VSX1: variants seen among roughly 807,000 people sequenced by gnomAD.
The protein encoded by VSX1 is homeodomain protein RINX.
VSX1 carries 23 observed loss-of-function variants against 23.6 expected under a neutral mutation model. That is an observed-to-expected ratio of 0.97 (90% CI 0.70 to 1.38). VSX1 has a LOEUF of 1.38. Ranked by LOEUF, VSX1 falls within the 40% of genes most tolerant of loss-of-function variation. The pLI, the probability that VSX1 is intolerant of heterozygous loss-of-function variation, is 0.00. For synonymous variants in VSX1, 247 were observed against 215.1 expected (o/e 1.15, Z -1.30); for missense variants, 517 against 495.4 (o/e 1.04, Z -0.41).
intron 1 of VSX1, among the ~76,000 whole-genome samples, chr20:25,081,264 G>C (rs1470288900): frequency 6.6e-6 from 1 of 152,212 alleles, no homozygotes; most frequent in Non-Finnish European, 1.5e-5. Flanking sequence ...TTTCCACCTG[G>C]TACCTTGTTC....
chr20:25,079,719 T>C (rs1268863642), intron 1 of VSX1, among the ~76,000 whole-genome samples: 1 of 151,626 alleles, frequency 6.6e-6, no homozygotes, highest in Non-Finnish European at 1.5e-5. Context: ...AATATAATAA[T>C]AAAACACCAA....
Position 25,075,936 on chromosome 20 carries a change from A to G in VSX1, c.*325T>C, listed in dbSNP as rs1212780744. Reference sequence around the variant, plus strand: ...CCTATTCATCTATACAGTACATTGAACCACACATCTCAAATGATGCCCAGC... The same window carrying G: ...CCTATTCATCTATACAGTACATTGAGCCACACATCTCAAATGATGCCCAGC... On this transcript the variant is annotated 3_prime_UTR_variant, in exon 5 of 5. Coordinates refer to ENST00000376709, the MANE Select transcript of VSX1 (RefSeq NM_014588.6). 1.4e-5 allele frequency: 6 copies of G among 414,408 alleles called. No individual in the cohort carries two copies. Among genetic ancestry groups the G allele is most frequent in the African/African-American group, 1.2e-4 (6 of 49,314 alleles). The allele number at this position is 414,408 out of a possible 1,614,324, so 25.7% of individuals were successfully genotyped here. A position where few individuals can be genotyped will look rare whatever the true frequency, so the allele number is the denominator to read the frequency against.
At position 25,078,875 on chromosome 20, in the gene VSX1, C is replaced by T. The variant is rs987567226; in HGVS notation, c.581G>A (p.Arg194Gln). ...CTCAGTTTTCACAGCCAGCATTTCT[C>T]GGGCATACACATCAGGGTAGTGGGC... Reference protein sequence around the residue: ...SEAHYPDVYAREMLAVKTELP... With the variant: ...SEAHYPDVYAQEMLAVKTELP... Residue 194 changes from arginine (R) to glutamine (Q), a missense_variant, in exon 3 of 5, where the codon CGA (arginine) becomes CAA (glutamine). Arg to Gln is a conservative substitution (Grantham distance 43, BLOSUM62 1). Coordinates refer to ENST00000376709, the MANE Select transcript of VSX1 (RefSeq NM_014588.6). 6.8e-6 allele frequency: 11 copies of T among 1,614,176 alleles called. No homozygotes were observed. The highest frequency in any genetic ancestry group is 2.7e-5 in the African/African-American group (2 of 75,032).
At chr20:25,073,811 G>A (rs375313249), downstream of VSX1, among the ~76,000 whole-genome samples, 128 of 152,258 alleles carry the variant, frequency 8.4e-4, 1 homozygote, top group African/African-American at 2.9e-3. Context: ...GTTCGTGAGC[G>A]GCTCAAAGTC....
intron 2 of VSX1, 50 bp downstream of exon 2, chr20:25,079,386 G>A (rs2089588894): frequency 6.4e-7 from 1 of 1,553,724 alleles, no homozygotes; most frequent in Non-Finnish European, 8.8e-7. Context: ...CATAAACCTT[G>A]GGCTGTGTCC....
At chr20:25,071,593 T>G, downstream of VSX1, 1 of 495,174 alleles carries the variant, frequency 2.0e-6, no homozygotes, top group Non-Finnish European at 3.9e-6. Context: ...TAGAAGCAGT[T>G]CCGAGTGATA....
rs1202202193 is a variant in VSX1 at position 25,079,520 on chromosome 20, G to A, written c.425-6C>T. 4.4e-6 allele frequency: 7 copies of A among 1,608,680 alleles called. No individual in the cohort carries two copies. Among genetic ancestry groups the A allele is most frequent in the Admixed American group, 3.4e-5 (2 of 59,596 alleles). On this transcript the variant is annotated splice_polypyrimidine_tract_variant and splice_region_variant and intron_variant, in intron 1 of 4. Transcript: ENST00000376709. Reference sequence around the variant, plus strand: ...TTCAGACTGGCTGTCCTCATCTGATGGCACAGAAAGAAGAAGAGGACTTTA... The same window carrying A: ...TTCAGACTGGCTGTCCTCATCTGATAGCACAGAAAGAAGAAGAGGACTTTA...
chr20:25,074,950 T>C (rs1014640268), downstream of VSX1, among the ~76,000 whole-genome samples: 3 of 152,246 alleles, frequency 2.0e-5, no homozygotes, highest in Non-Finnish European at 4.4e-5. Flanking sequence ...GTCTCAGGCC[T>C]CAGTTATGAT....
chr20:25,081,661 G>T lies in VSX1; in HGVS notation c.424+12C>A. ...GGACAGGGGCAGGAGCGGAAAGCGC[G>T]GGCCTGATTACCGGACGTGGAGACG... On this transcript the variant is annotated intron_variant, in intron 1 of 4. Coordinates refer to ENST00000376709, the MANE Select transcript of VSX1 (RefSeq NM_014588.6). 6.6e-7 allele frequency: 1 copy of T among 1,523,468 alleles called. No homozygotes were observed. 94.4% of individuals were successfully genotyped at this position (1,523,468 alleles called of 1,614,324 possible).
At chr20:25,077,004 A>G (rs562850651) in intron 4 of VSX1, among the ~76,000 whole-genome samples, 75 of 152,334 alleles carry the variant, frequency 4.9e-4, no homozygotes, top group African/African-American at 1.6e-3. Flanking sequence ...TCGCTGAGCA[A>G]AAAACTTCCT....
At chr20:25,070,997 A>G (rs1234876196), downstream of VSX1, 3 of 453,992 alleles carry the variant, frequency 6.6e-6, no homozygotes, top group African/African-American at 6.0e-5. Flanking sequence ...TTAAAATGTC[A>G]GTATGAGACA....
intron 1 of VSX1, chr20:25,081,334 G>A (rs530567007): frequency 3.5e-5 from 20 of 569,078 alleles, no homozygotes; most frequent in African/African-American, 1.5e-4. Context: ...TGCCAGAGGC[G>A]GAGACTGGCG....
chr20:25,080,161 T>C (rs996310379), intron 1 of VSX1, among the ~76,000 whole-genome samples: 1 of 152,188 alleles, frequency 6.6e-6, no homozygotes, highest in Non-Finnish European at 1.5e-5. Flanking sequence ...TTATATCCAA[T>C]ACATCAAAAA....
At chr20:25,072,583 T>C (rs1380006816), downstream of VSX1, 1 of 471,164 alleles carries the variant, frequency 2.1e-6, no homozygotes, top group Non-Finnish European at 4.4e-6. Flanking sequence ...GAGTTTCTCA[T>C]CCATTTGACA....
intron 4 of VSX1, among the ~76,000 whole-genome samples, chr20:25,077,447 C>T (rs1229583638): frequency 6.6e-6 from 1 of 152,234 alleles, no homozygotes; most frequent in African/African-American, 2.4e-5. Context: ...ACATATTTAG[C>T]ATGCATAGCC....
chr20:25,081,735 G>T lies in VSX1; in HGVS notation c.362C>A (p.Ala121Asp). ...PRGPEPAAPLAPSRPPPALGR... is the reference protein window; with the variant it reads ...PRGPEPAAPLDPSRPPPALGR... ...GAGCGCAGGCGGCGGACGGCTGGGA[G>T]CCAGCGGGGCAGCGGGCTCGGGGCC... The change falls in exon 1 of 5, where the codon GCT becomes GAT. Residue 121 changes from alanine (A) to aspartate (D), a missense_variant. Ala to Asp is a moderately radical substitution (Grantham distance 126). Coordinates refer to ENST00000376709, the MANE Select transcript of VSX1 (RefSeq NM_014588.6). The T allele has an allele frequency of 6.7e-7, 1 of 1,501,698 alleles. No individual in the cohort carries two copies. The highest frequency in any genetic ancestry group is 8.8e-7 in the Non-Finnish European group (1 of 1,133,172). 93.0% of individuals were successfully genotyped at this position (1,501,698 alleles called of 1,614,324 possible).
At chr20:25,076,656 T>C in intron 4 of VSX1, 106 bp from the exon 5 acceptor site, 1 of 1,327,048 alleles carries the variant, frequency 7.5e-7, no homozygotes, top group Non-Finnish European at 1.0e-6. Context: ...AGAATTGTCC[T>C]TGTCAGTGCC....
Position 25,081,958 on chromosome 20 carries a change from C to T in VSX1, c.139G>A (p.Ala47Thr), listed in dbSNP as rs966831301. ...LGLEAELPAP[A>T]GPGQGSGCEG... The stretch of plus-strand genomic sequence containing the variant: ...CAGCCAGATCCCTGTCCTGGGCCAG[C>T]GGGCGCCGGCAGCTCGGCCTCCAAG... The change falls in exon 1 of 5, where the codon GCT becomes ACT. Residue 47 changes from alanine (A) to threonine (T), a missense_variant. Coordinates refer to ENST00000376709, the MANE Select transcript of VSX1 (RefSeq NM_014588.6). The T allele has an allele frequency of 3.4e-5, 52 of 1,532,586 alleles. No homozygotes were observed. Among genetic ancestry groups the T allele is most frequent in the Non-Finnish European group, 4.3e-5 (49 of 1,146,032 alleles). 94.9% of individuals were successfully genotyped at this position (1,532,586 alleles called of 1,614,324 possible).
Position 25,078,948 on chromosome 20 carries a change from C to A in VSX1, c.508G>T (p.Val170Phe). 1 of 1,613,768 alleles carries A rather than the reference C, an allele frequency of 6.2e-7. No individual in the cohort carries two copies. The highest frequency in any genetic ancestry group is 8.5e-7 in the Non-Finnish European group (1 of 1,180,036). The change falls in exon 3 of 5, where the codon GTT (valine) becomes TTT (phenylalanine). Residue 170 changes from valine (V) to phenylalanine (F), a missense_variant. Physicochemically the swap from Val to Phe is conservative, Grantham distance 50. Transcript: ENST00000376709. ...GKRKKRRHRT[V>F]FTAHQLEELE... ...TCTTCCAGCTGGTGAGCAGTGAAAA[C>A]TGTCCTGCAAGGACCCCAAAACACA... is the stretch of plus-strand genomic sequence containing the variant.
Sources: gnomAD v4.1 joint callset for allele counts (sites outside exome capture counted in the v4.1 genomes callset) on GRCh38, gnomAD v4.1.1 for gene constraint, MANE v1.5 for transcripts, NCBI Gene and HGNC (gene_info 2026-07-23, HGNC 2026-07-21) for gene names.